The following SDR42E1 variants were observed in gnomAD, a reference collection of about 807,000 sequenced individuals.
SDR42E1 encodes the protein short chain dehydrogenase/reductase family 42E, member 1.
A neutral mutation model predicts 2.6 loss-of-function variants in SDR42E1; 5 were observed. The ratio of observed to expected loss-of-function variants is 1.94; its 90% CI spans 1.01 to 4.08. The LOEUF is 4.08. Among genes scored for constraint, SDR42E1 ranks in the 30% most tolerant of loss-of-function variants. The pLI, the probability that SDR42E1 is intolerant of heterozygous loss-of-function variation, is 0.00. For missense variants in SDR42E1, 596 were observed against 478.6 expected (o/e 1.25, Z -2.29); for synonymous variants, 231 against 188.3 (o/e 1.23, Z -1.86).
intron 1 of SDR42E1, among the ~76,000 whole-genome samples, chr16:82,001,523 C>T (rs369628506): frequency 6.6e-6 from 1 of 152,056 alleles, no homozygotes; most frequent in Non-Finnish European, 1.5e-5. Context: ...TGGCCCTCCC[C>T]GCATTTCTTT....
chr16:82,007,596 A>C (rs1404543875), intron 1 of SDR42E1: 1 of 152,230 alleles, frequency 6.6e-6, no homozygotes, highest in Non-Finnish European at 1.5e-5. Flanking sequence ...ACGCAGCAGC[A>C]CTCGAGGCTG....
At position 81,999,676 on chromosome 16, in the gene SDR42E1, T is replaced by C. The variant is rs375953968; in HGVS notation, c.617A>G (p.Lys206Arg). The C allele has an allele frequency of 1.7e-4, 271 of 1,614,186 alleles. 2 individuals are homozygous for C. The South Asian group carries it at 2.7e-3, about 16-fold the overall frequency. ...CCCGTAGACAAACTTGAACAGACCC[T>C]TCTCGATGTAGCTGACTATCCTGGG... ...HLPRIVSYIE[K>R]GLFKFVYGDP... The change falls in exon 3 of 3, where the codon AAG (lysine) becomes AGG (arginine). Residue 206 changes from lysine to arginine, a missense_variant. Lys to Arg is a conservative substitution (Grantham distance 26, BLOSUM62 2). Coordinates refer to ENST00000328945, the MANE Select transcript of SDR42E1 (RefSeq NM_145168.3).
At chr16:82,008,103 C>T (rs982427423) in intron 1 of SDR42E1, among the ~76,000 whole-genome samples, 1 of 152,128 alleles carries the variant, frequency 6.6e-6, no homozygotes, top group Admixed American at 6.5e-5. Flanking sequence ...AAAGAAAATT[C>T]CCCTACACAA....
In SDR42E1 at chr16:81,988,997, T is replaced by A. The variant is rs1165058501; in HGVS notation, c.*10114A>T. The A allele has an allele frequency of 6.6e-6, 1 of 152,236 alleles. No individual in the cohort carries two copies. The highest frequency in any genetic ancestry group is 1.5e-5 in the Non-Finnish European group (1 of 68,042). The allele number at this position is 152,236 out of a possible 1,614,324, so 9.4% of individuals were successfully genotyped here. A position where few individuals can be genotyped will look rare whatever the true frequency, so the allele number is the denominator to read the frequency against. On this transcript the variant is annotated 3_prime_UTR_variant, in exon 3 of 3. Transcript: ENST00000328945. ...AAAATCAGTTCACAATAACTTCTAA[T>A]ACATCTGTTATGAAAAATGCTTAAT...
Position 81,988,968 on chromosome 16 carries a change from C to T in SDR42E1, c.*10143G>A, listed in dbSNP as rs1313829439. ...TCTAGTACAAAATGAGATTTTTTCC[C>T]CTCAAAATCAGTTCACAATAACTTC... On this transcript the variant is annotated 3_prime_UTR_variant, in exon 3 of 3. Coordinates refer to ENST00000328945, the MANE Select transcript of SDR42E1 (RefSeq NM_145168.3). 2 of 151,992 alleles carry T rather than the reference C, an allele frequency of 1.3e-5. No homozygotes were observed. Among genetic ancestry groups the T allele is most frequent in the Non-Finnish European group, 1.5e-5 (1 of 67,986 alleles). The allele number at this position is 151,992 out of a possible 1,614,324, so 9.4% of individuals were successfully genotyped here.
chr16:81,999,329 T>G lies in SDR42E1; in HGVS notation c.964A>C (p.Thr322Pro), dbSNP rs779669622. The G allele has an allele frequency of 3.7e-6, 6 of 1,614,236 alleles. No individual in the cohort carries two copies. The highest frequency in any genetic ancestry group is 3.4e-6 in the Non-Finnish European group (4 of 1,180,032). The change falls in exon 3 of 3, where the codon ACA becomes CCA. Residue 322 changes from threonine to proline, a missense_variant. By Grantham distance (38) the Thr-to-Pro change is conservative (BLOSUM62 -1). Transcript: ENST00000328945. ...TRTEVYKTGV[T>P]HYFSLEKAKK... is the part of the protein sequence containing the mutation. ...GCTTTCTCTAAGCTAAAATAATGTG[T>G]GACACCAGTTTTGTAAACTTCAGTG...
chr16:81,999,930 G>C lies in SDR42E1; in HGVS notation c.363C>G (p.Thr121=). ...QRRRVPRLVY[T]STFNVIFGGQ... is the part of the protein sequence containing the mutation. The stretch of plus-strand genomic sequence containing the variant: ...CTCCAAAGATGACATTGAAAGTGCT[G>C]GTGTAAACTAACCTGGGCACCCTTC... The change falls in exon 3 of 3, where the codon ACC becomes ACG. Residue 121 remains threonine, a synonymous_variant. Transcript: ENST00000328945. The C allele has an allele frequency of 6.2e-7, 1 of 1,614,156 alleles. No individual in the cohort carries two copies. Among genetic ancestry groups the C allele is most frequent in the Non-Finnish European group, 8.5e-7 (1 of 1,180,026 alleles).
intron 1 of SDR42E1, among the ~76,000 whole-genome samples, chr16:82,003,919 C>T (rs546830822): frequency 6.6e-6 from 1 of 152,166 alleles, no homozygotes; most frequent in Non-Finnish European, 1.5e-5. Flanking sequence ...ATATCCAATT[C>T]AGTAAAATTG....
chr16:81,992,388 T>G lies in SDR42E1; in HGVS notation c.*6723A>C, dbSNP rs1041682617. On this transcript the variant is annotated 3_prime_UTR_variant, in exon 3 of 3. Coordinates refer to ENST00000328945, the MANE Select transcript of SDR42E1 (RefSeq NM_145168.3). ...TTGTAATTGCCCAGCAATGTGCAAA[T>G]AATTCCCCTTAAAACCTGGGCAACA... is the stretch of plus-strand genomic sequence containing the variant. The G allele has an allele frequency of 6.6e-6, 1 of 152,148 alleles. No individual in the cohort carries two copies. Among genetic ancestry groups the G allele is most frequent in the Non-Finnish European group, 1.5e-5 (1 of 68,028 alleles). The allele number at this position is 152,148 out of a possible 1,614,324, so 9.4% of individuals were successfully genotyped here. A position where few individuals can be genotyped will look rare whatever the true frequency, so the allele number is the denominator to read the frequency against.
intron 1 of SDR42E1, among the ~76,000 whole-genome samples, chr16:82,007,439 G>A (rs549223839): frequency 6.6e-6 from 1 of 152,312 alleles, no homozygotes; most frequent in South Asian, 2.1e-4. Context: ...TCTCAGATGA[G>A]TACTAATTTG....
intron 1 of SDR42E1, among the ~76,000 whole-genome samples, chr16:82,009,947 C>T (rs1913072017): frequency 6.6e-6 from 1 of 152,194 alleles, no homozygotes; most frequent in African/African-American, 2.4e-5. Context: ...ATGCCGTTCT[C>T]TTGATAGTGA....
intron 1 of SDR42E1, among the ~76,000 whole-genome samples, chr16:82,008,646 A>C (rs1489419759): frequency 6.6e-6 from 1 of 152,200 alleles, no homozygotes; most frequent in African/African-American, 2.4e-5. Context: ...CTGGGGTAAG[A>C]AATTTCTAAG....
At position 81,999,417 on chromosome 16, in the gene SDR42E1, A is replaced by G. The variant is rs11861598; in HGVS notation, c.876T>C (p.Phe292=). ...AAATGAAGTGAACCATCTCTGTTAG[A>G]AAAGCAAAGCAGTAGACCAAGGTCA... is the stretch of plus-strand genomic sequence containing the variant. ...LPLTLVYCFA[F]LTEMVHFILG... Residue 292 remains phenylalanine, a synonymous_variant, in exon 3 of 3, where the codon TTT becomes TTC. Coordinates refer to ENST00000328945, the MANE Select transcript of SDR42E1 (RefSeq NM_145168.3). 25,126 of 1,614,038 alleles carry G rather than the reference A, an allele frequency of 0.016. 1,005 individuals are homozygous for G. The highest frequency in any genetic ancestry group is 0.15 in the African/African-American group (11,339 of 75,024).
rs1320642773 is a variant in SDR42E1 at position 81,994,637 on chromosome 16, TTAA to T, written c.*4471_*4473del. ...TAAGCAAGAGATGCTGGTGAAGATT[TTAA>T]TAACATTGCTGGTGCTGGCTTCCAA... On this transcript the variant is annotated 3_prime_UTR_variant, in exon 3 of 3. Transcript: ENST00000328945. The T allele has an allele frequency of 1.3e-5, 2 of 152,168 alleles. No homozygotes were observed. The highest frequency in any genetic ancestry group is 6.5e-5 in the Admixed American group (1 of 15,282). 9.4% of individuals were successfully genotyped at this position (152,168 alleles called of 1,614,324 possible).
rs560928170 is a variant in SDR42E1 at position 81,997,712 on chromosome 16, C to G, written c.*1399G>C. The stretch of plus-strand genomic sequence containing the variant: ...CATCTTGCTTTATGCTCCCAGTGAA[C>G]CCTATGGGGTGGGTGGGTTTATACA... On this transcript the variant is annotated 3_prime_UTR_variant, in exon 3 of 3. Coordinates refer to ENST00000328945, the MANE Select transcript of SDR42E1 (RefSeq NM_145168.3). 6.6e-6 allele frequency: 1 copy of G among 152,178 alleles called. No homozygotes were observed. Among genetic ancestry groups the G allele is most frequent in the African/African-American group, 2.4e-5 (1 of 41,432 alleles). 9.4% of individuals were successfully genotyped at this position (152,178 alleles called of 1,614,324 possible).
rs1912415096 is a variant in SDR42E1 at position 81,990,979 on chromosome 16, G to T, written c.*8132C>A. 1 of 152,236 alleles carries T rather than the reference G, an allele frequency of 6.6e-6. No individual in the cohort carries two copies. Among genetic ancestry groups the T allele is most frequent in the African/African-American group, 2.4e-5 (1 of 41,460 alleles). The allele number at this position is 152,236 out of a possible 1,614,324, so 9.4% of individuals were successfully genotyped here. A position where few individuals can be genotyped will look rare whatever the true frequency, so the allele number is the denominator to read the frequency against. On this transcript the variant is annotated 3_prime_UTR_variant, in exon 3 of 3. Coordinates refer to ENST00000328945, the MANE Select transcript of SDR42E1 (RefSeq NM_145168.3). ...TTATTAGGTCTGTGCTCCACGCCCA[G>T]AATAGTGTAAGACTGCAGGGGAGGC...
intron 1 of SDR42E1, among the ~76,000 whole-genome samples, chr16:82,009,966 CA>C (rs1421348278): frequency 6.6e-6 from 1 of 152,196 alleles, no homozygotes; most frequent in Non-Finnish European, 1.5e-5. Context: ...GAATAAGTCT[CA>C]AAAGATCTGA....
In SDR42E1 at chr16:81,997,767, A is replaced by T. The variant is rs1912578805; in HGVS notation, c.*1344T>A. 6.6e-6 allele frequency: 1 copy of T among 152,148 alleles called. No individual in the cohort carries two copies. The highest frequency in any genetic ancestry group is 2.4e-5 in the African/African-American group (1 of 41,438). 9.4% of individuals were successfully genotyped at this position (152,148 alleles called of 1,614,324 possible). ...GCAAATGCAGTCAGTCCCAGCTCCC[A>T]AGTGAGGAAGCTAAGTTCTAAAGGG... On this transcript the variant is annotated 3_prime_UTR_variant, in exon 3 of 3. Transcript: ENST00000328945.
At position 82,000,212 on chromosome 16, in the gene SDR42E1, G is replaced by C; in HGVS notation, c.81C>G (p.Ala27=). The C allele has an allele frequency of 2.5e-6, 4 of 1,606,980 alleles. No homozygotes were observed. Among genetic ancestry groups the C allele is most frequent in the Non-Finnish European group, 3.4e-6 (4 of 1,177,316 alleles). The stretch of plus-strand genomic sequence containing the variant: ...TCACATGGACTCCATTTTGGTTCAG[G>C]GCACAGCCCAGGCTGAAATAAGAAA... The part of the protein sequence containing the change: ...SGYFGFRLGC[A]LNQNGVHVIL... The change falls in exon 3 of 3, where the codon GCC becomes GCG. Residue 27 remains alanine (A), a synonymous_variant. Transcript: ENST00000328945.
Sources: gnomAD v4.1 joint callset for allele counts (sites outside exome capture counted in the v4.1 genomes callset) on GRCh38, gnomAD v4.1.1 for gene constraint, MANE v1.5 for transcripts, NCBI Gene and HGNC (gene_info 2026-07-23, HGNC 2026-07-21) for gene names.